The following SRRM3 variants were observed in gnomAD, a reference collection of about 807,000 sequenced individuals.
The protein encoded by SRRM3 is serine/arginine repetitive matrix protein 3.
Under a neutral mutation model 66.2 loss-of-function variants are expected in SRRM3, and 27 were observed. The ratio of observed to expected loss-of-function variants is 0.41; its 90% confidence interval spans 0.30 to 0.56. The LOEUF (loss-of-function observed/expected upper bound fraction) is 0.56, where lower values mean the gene tolerates loss of function less well. Among genes scored for constraint, SRRM3 ranks in the 20% least tolerant of loss-of-function variants. SRRM3 has a pLI of 0.32. For synonymous variants in SRRM3, 391 were observed against 414.9 expected (o/e 0.94, Z 0.70); for missense variants, 918 against 991.9 (o/e 0.93, Z 1.00).
chr7:76,202,274 G>A (rs1292684211), intron 1 of SRRM3, among the ~76,000 whole-genome samples: 1 of 66 alleles, frequency 0.015, no homozygotes, highest in African/African-American at 0.028. Context: ...TGGAGACAGT[G>A]GAGACCTTTG....
intron 2 of SRRM3, among the ~76,000 whole-genome samples, chr7:76,236,005 CAAAAAAAAAAAA>C (rs1161706465): frequency 1.5e-4 from 3 of 20,272 alleles, no homozygotes; most frequent in South Asian, 2.2e-3. Flanking sequence ...GATTCTGTCT[CAAAAAAAAAAAA>C]AAAAAAAAAA....
chr7:76,261,571 A>C lies in SRRM3; in HGVS notation c.664A>C (p.Arg222=). The C allele has an allele frequency of 1.9e-6, 3 of 1,611,834 alleles. No individual in the cohort carries two copies. Among genetic ancestry groups the C allele is most frequent in the Non-Finnish European group, 2.5e-6 (3 of 1,179,122 alleles). ...DRSDSGSRRK[R]RHRSRSSKCK... ...GTCTGATTCTGGGTCCCGGAGGAAGAGACGGCACAGGTGAGCGGCGCTTTG... is the reference window on the plus strand; with the variant it reads ...GTCTGATTCTGGGTCCCGGAGGAAGCGACGGCACAGGTGAGCGGCGCTTTG... Residue 222 remains arginine (R), a synonymous_variant, in exon 8 of 15, where the codon AGA becomes CGA. Transcript: ENST00000611745.
intron 12 of SRRM3, 126 bp from the exon 13 acceptor site, chr7:76,282,522 G>A (rs1802549502): frequency 2.0e-6 from 1 of 494,406 alleles, no homozygotes; most frequent in Non-Finnish European, 3.3e-6. Flanking sequence ...CGCACTCCGC[G>A]CGAACTGACC....
At chr7:76,266,531 T>C (rs868980464) in intron 10 of SRRM3, among the ~76,000 whole-genome samples, 1,235 of 112,960 alleles carry the variant, frequency 0.011, 8 homozygotes, top group Non-Finnish European at 0.017. Flanking sequence ...ATTATATATT[T>C]AATATATAAA....
chr7:76,204,948 C>T (rs146519301), intron 1 of SRRM3, among the ~76,000 whole-genome samples: 182 of 152,262 alleles, frequency 1.2e-3, no homozygotes, highest in Non-Finnish European at 2.0e-3. Flanking sequence ...CTCTGAACAT[C>T]GCTTCTCCCA....
chr7:76,275,404 G>C (rs7810444), intron 11 of SRRM3, among the ~76,000 whole-genome samples: 1 of 150,150 alleles, frequency 6.7e-6, no homozygotes, highest in African/African-American at 2.5e-5. Flanking sequence ...CAGGGGTATC[G>C]CTTGAGCCCA....
At chr7:76,232,613 G>A (rs1164234517) in intron 1 of SRRM3, among the ~76,000 whole-genome samples, 2 of 151,906 alleles carry the variant, frequency 1.3e-5, no homozygotes, top group Admixed American at 6.6e-5. Flanking sequence ...CCAGCCAGAG[G>A]GGAAAGGAAG....
intron 3 of SRRM3, among the ~76,000 whole-genome samples, chr7:76,248,928 C>T (rs567898883): frequency 5.3e-5 from 8 of 152,122 alleles, no homozygotes; most frequent in South Asian, 4.1e-4. Flanking sequence ...TGCAGTGAGC[C>T]GAGATCCTGC....
At chr7:76,262,740 T>G (rs1801913892) in intron 8 of SRRM3, among the ~76,000 whole-genome samples, 1 of 151,734 alleles carries the variant, frequency 6.6e-6, no homozygotes, top group Non-Finnish European at 1.5e-5. Context: ...CGCTTGATAC[T>G]GGGAGGAGGA....
chr7:76,259,637 G>A (rs1554608232), intron 3 of SRRM3, among the ~76,000 whole-genome samples: 1 of 152,020 alleles, frequency 6.6e-6, no homozygotes, highest in Non-Finnish European at 1.5e-5. Context: ...CTCAGAAGGG[G>A]TGCGGGCTAA....
chr7:76,284,860 C>T (rs1802615716), intron 14 of SRRM3, among the ~76,000 whole-genome samples: 1 of 152,162 alleles, frequency 6.6e-6, no homozygotes, highest in South Asian at 2.1e-4. Flanking sequence ...AGGAGTGGGG[C>T]CGGCGGGACT....
chr7:76,275,570 G>A (rs1554611014), intron 11 of SRRM3, among the ~76,000 whole-genome samples: 1 of 151,768 alleles, frequency 6.6e-6, no homozygotes, highest in Non-Finnish European at 1.5e-5. Context: ...CTGTGTTGAA[G>A]CCCCATGAGG....
intron 11 of SRRM3, 137 bp downstream of exon 11, chr7:76,267,572 G>A: frequency 1.4e-6 from 1 of 723,554 alleles, no homozygotes. Context: ...CTCCCTCCTC[G>A]GCTCCCCGCT....
intron 3 of SRRM3, among the ~76,000 whole-genome samples, chr7:76,249,393 A>C (rs1016283562): frequency 7.0e-6 from 1 of 141,944 alleles, no homozygotes; most frequent in East Asian, 2.1e-4. Flanking sequence ...AAAAAAAAAA[A>C]GGGTGTATGG....
intron 14 of SRRM3, among the ~76,000 whole-genome samples, chr7:76,284,528 C>T (rs111283846): frequency 0.02 from 2,971 of 152,160 alleles, 96 homozygotes; most frequent in African/African-American, 0.063. Flanking sequence ...GTCCAGCCAC[C>T]GTGCCCAAGG....
At chr7:76,264,631 C>T in intron 8 of SRRM3, 134 bp from the exon 9 acceptor site, 1 of 856,746 alleles carries the variant, frequency 1.2e-6, no homozygotes, top group South Asian at 1.8e-5. Flanking sequence ...ATGGAAAAGT[C>T]CCCGCCAGCC....
intron 1 of SRRM3, among the ~76,000 whole-genome samples, chr7:76,219,960 A>G (rs1554603009): frequency 2.0e-5 from 3 of 152,174 alleles, no homozygotes; most frequent in African/African-American, 7.2e-5. Context: ...GAGGGCTTAC[A>G]AAGTAGATGA....
intron 3 of SRRM3, 100 bp from the exon 4 acceptor site, chr7:76,259,806 G>A: frequency 6.4e-7 from 1 of 1,564,524 alleles, no homozygotes; most frequent in Non-Finnish European, 8.7e-7. Context: ...CCGGGTAGCA[G>A]CCCGCAGACT....
chr7:76,209,176 T>C (rs550530993), intron 1 of SRRM3, among the ~76,000 whole-genome samples: 2 of 152,268 alleles, frequency 1.3e-5, no homozygotes, highest in African/African-American at 4.8e-5. Context: ...GGTTAGACTA[T>C]ACAATCGACA....
Sources: gnomAD v4.1 joint callset for allele counts (sites outside exome capture counted in the v4.1 genomes callset) on GRCh38, gnomAD v4.1.1 for gene constraint, MANE v1.5 for transcripts, NCBI Gene and HGNC (gene_info 2026-07-23, HGNC 2026-07-21) for gene names.